The following DAPK2 variants were observed in gnomAD, a reference collection of about 807,000 sequenced individuals.
DAPK2 encodes death associated protein kinase 2, also known as death-associated protein kinase 2.
Under a neutral mutation model 44.1 loss-of-function variants are expected in DAPK2, and 35 were observed. The ratio of observed to expected loss-of-function variants is 0.79; its 90% CI spans 0.61 to 1.05. DAPK2 has a LOEUF of 1.05. DAPK2 is among the 50% of genes least tolerant of loss of function. The pLI is 0.00. For synonymous variants in DAPK2, 174 were observed against 182.6 expected, an observed-to-expected ratio of 0.95 and a Z score of 0.38; for missense variants, 453 against 483.2, an observed-to-expected ratio of 0.94 and a Z score of 0.59.
At chr15:64,027,622 G>A (rs531392130) in intron 1 of DAPK2, among the ~76,000 whole-genome samples, 1 of 152,270 alleles carries the variant, frequency 6.6e-6, no homozygotes, top group African/African-American at 2.4e-5. Flanking sequence ...GTAAAGTGCA[G>A]GAGAGAATAA....
At chr15:63,985,209 T>C (rs2078636261) in intron 1 of DAPK2, among the ~76,000 whole-genome samples, 1 of 152,172 alleles carries the variant, frequency 6.6e-6, no homozygotes, top group Non-Finnish European at 1.5e-5. Context: ...GAAGGCTTTG[T>C]GGAGCCAAAT....
chr15:63,925,264 TC>T, intron 7 of DAPK2, among the ~76,000 whole-genome samples: 1 of 152,254 alleles, frequency 6.6e-6, no homozygotes, highest in East Asian at 1.9e-4. Context: ...TAAGCAACTC[TC>T]CCTAGCACTG....
At chr15:64,034,608 G>T (rs1458130716) in intron 1 of DAPK2, among the ~76,000 whole-genome samples, 1 of 152,044 alleles carries the variant, frequency 6.6e-6, no homozygotes, top group Non-Finnish European at 1.5e-5. Context: ...AGAAGTGGGG[G>T]CTATGGATAA....
exon 2 of DAPK2, chr15:63,983,729 A>C: frequency 6.2e-7 from 1 of 1,612,350 alleles, no homozygotes. Flanking sequence ...TTCTCCCGGC[A>C]CTTCTTCACG....
chr15:63,929,432 C>G lies in DAPK2; in HGVS notation c.659+119G>C, dbSNP rs368603579. 3.0e-5 allele frequency: 40 copies of G among 1,330,400 alleles called. 1 individual carries two copies. In the African/African-American group the frequency reaches 4.2e-4, roughly 14 times the overall value. The allele number at this position is 1,330,400 out of a possible 1,614,324, so 82.4% of individuals were successfully genotyped here. Reference sequence around the variant, plus strand: ...CCTCAGGCTTGCTGTGTGGACTTAACACATCTGGATTATGGTGGGTGCTTA... The same window carrying G: ...CCTCAGGCTTGCTGTGTGGACTTAAGACATCTGGATTATGGTGGGTGCTTA... On this transcript the variant is annotated intron_variant, in intron 6 of 10. Transcript: ENST00000261891.
chr15:63,972,721 G>A (rs1181678864), intron 2 of DAPK2, among the ~76,000 whole-genome samples: 1 of 152,134 alleles, frequency 6.6e-6, no homozygotes, highest in Non-Finnish European at 1.5e-5. Context: ...ACTACTTAAA[G>A]TAAAATGTGA....
intron 6 of DAPK2, 96 bp from the exon 8 acceptor site, chr15:63,926,189 G>T (rs939166465): frequency 7.1e-7 from 1 of 1,404,092 alleles, no homozygotes; most frequent in Non-Finnish European, 9.6e-7. Flanking sequence ...CTGCTGCAGG[G>T]AGCTGGAAGG....
At chr15:64,004,177 T>C (rs780244586) in intron 1 of DAPK2, among the ~76,000 whole-genome samples, 34 of 152,230 alleles carry the variant, frequency 2.2e-4, no homozygotes, top group Non-Finnish European at 4.4e-4. Context: ...CCAGGTCTTT[T>C]GACCTATACC....
intron 1 of DAPK2, among the ~76,000 whole-genome samples, chr15:63,999,494 C>T (rs1156744960): frequency 6.6e-6 from 1 of 152,216 alleles, no homozygotes; most frequent in African/African-American, 2.4e-5. Context: ...AGCCCAGGAC[C>T]TCAGGTCCCT....
chr15:63,934,238 G>A (rs892680987), intron 4 of DAPK2, among the ~76,000 whole-genome samples: 1 of 106,602 alleles, frequency 9.4e-6, no homozygotes, highest in African/African-American at 3.3e-5. Flanking sequence ...TCATGTTCTA[G>A]TTTTATCCTA....
rs556770067 is a variant in DAPK2 at position 63,980,800 on chromosome 15, G to C, written c.314+2733C>G. Among the ~76,000 whole-genome samples, 6 of 151,850 alleles carry C rather than the reference G, an allele frequency of 4.0e-5. No individual in the cohort carries two copies. Among genetic ancestry groups the C allele is most frequent in the African/African-American group, 1.2e-4 (5 of 41,480 alleles). ...TATTAGGCAGTGGGACCTTTAAGAC[G>C]TGATTGGGTCGGGGTGCGGTGGCTC... is the stretch of plus-strand genomic sequence containing the variant. On this transcript the variant is annotated intron_variant, in intron 2 of 10. Coordinates refer to ENST00000261891, the Ensembl canonical transcript of DAPK2. The surrounding 1 kb of genome is among the most constrained non-coding windows in gnomAD (Gnocchi z 4.3).
At chr15:63,924,945 T>A in intron 7 of DAPK2, 84 bp from the exon 9 acceptor site, 1 of 1,488,550 alleles carries the variant, frequency 6.7e-7, no homozygotes, top group Non-Finnish European at 9.2e-7. Context: ...TTTTTAGACC[T>A]ATATTTTGGC....
At chr15:63,956,744 AC>A (rs764800486) in intron 3 of DAPK2, among the ~76,000 whole-genome samples, 169 of 151,864 alleles carry the variant, frequency 1.1e-3, no homozygotes, top group Middle Eastern at 3.4e-3. Flanking sequence ...CCACCACCAC[AC>A]CTGGCTAATT....
intron 2 of DAPK2, among the ~76,000 whole-genome samples, chr15:63,977,472 G>A (rs1426497629): frequency 6.6e-6 from 1 of 152,184 alleles, no homozygotes; most frequent in Non-Finnish European, 1.5e-5. Flanking sequence ...GGTGGGACAT[G>A]TGAGAGTTCT....
intron 5 of DAPK2, 68 bp from the exon 7 acceptor site, chr15:63,929,645 CA>C: frequency 6.2e-7 from 1 of 1,601,106 alleles, no homozygotes; most frequent in Non-Finnish European, 8.5e-7. Flanking sequence ...GGGACACCCT[CA>C]TGGATCTAAG....
At chr15:63,968,332 A>G (rs185730899) in intron 3 of DAPK2, among the ~76,000 whole-genome samples, 184 of 152,354 alleles carry the variant, frequency 1.2e-3, no homozygotes, top group African/African-American at 4.0e-3. Context: ...AACTCTAAGG[A>G]TACCTGGCCA....
At chr15:63,953,349 A>G (rs1822406) in intron 3 of DAPK2, among the ~76,000 whole-genome samples, 136,439 of 152,142 alleles carry the variant, frequency 0.9, 62,022 homozygotes, top group East Asian at 1. Flanking sequence ...AATTTTTAGC[A>G]TGCATAAATG....
intron 1 of DAPK2, among the ~76,000 whole-genome samples, chr15:64,003,264 C>T (rs962330866): frequency 4.6e-5 from 7 of 152,148 alleles, no homozygotes; most frequent in African/African-American, 1.4e-4. Context: ...GAGCACATCT[C>T]TAGATTCTGT....
At chr15:63,981,202 T>C (rs2140838560) in intron 2 of DAPK2, among the ~76,000 whole-genome samples, 1 of 152,068 alleles carries the variant, frequency 6.6e-6, no homozygotes, top group Non-Finnish European at 1.5e-5. Context: ...CTGGTAGCTA[T>C]ATAAGAAGTG....
Sources: allele counts gnomAD v4.1 joint callset (sites outside exome capture counted in the v4.1 genomes callset), GRCh38; gene constraint gnomAD v4.1.1; non-coding constraint Gnocchi (gnomAD v3.1); transcripts MANE v1.5; gene names NCBI Gene and HGNC (gene_info 2026-07-23, HGNC 2026-07-21).